NAALADL2: variants seen among roughly 807,000 people sequenced by gnomAD.
The protein encoded by NAALADL2 is inactive N-acetylated-alpha-linked acidic dipeptidase-like protein 2.
A neutral mutation model predicts 87.2 loss-of-function variants in NAALADL2; 76 were observed. The ratio of observed to expected loss-of-function variants is 0.87; its 90% CI spans 0.72 to 1.05. NAALADL2 has a LOEUF of 1.05. NAALADL2 is among the 50% of genes least tolerant of loss of function. NAALADL2 has a pLI of 0.00. For missense variants in NAALADL2, 1,089 were observed against 945.8 expected (o/e 1.15, Z -1.99); for synonymous variants, 354 against 331.0 (o/e 1.07, Z -0.75).
At chr3:174,641,221 C>T (rs969181552) in intron 2 of NAALADL2, among the ~76,000 whole-genome samples, 4 of 152,140 alleles carry the variant, frequency 2.6e-5, no homozygotes, top group Non-Finnish European at 5.9e-5. Flanking sequence ...CCCACAACCA[C>T]GTGCGCTCGG....
chr3:174,977,119 A>C, intron 1 of NAALADL2, among the ~76,000 whole-genome samples: 1 of 152,210 alleles, frequency 6.6e-6, no homozygotes, highest in East Asian at 1.9e-4. Flanking sequence ...CACTGTGCTA[A>C]ATGAAATAAG....
chr3:175,090,316 T>C (rs988979239), intron 1 of NAALADL2, among the ~76,000 whole-genome samples: 16 of 152,120 alleles, frequency 1.1e-4, no homozygotes, highest in African/African-American at 3.9e-4. Context: ...TTTATTGCTT[T>C]GGTTCATACT....
chr3:175,090,671 A>T (rs1031696135), intron 1 of NAALADL2, among the ~76,000 whole-genome samples: 1 of 152,088 alleles, frequency 6.6e-6, no homozygotes, highest in East Asian at 1.9e-4. Flanking sequence ...TGATCAACAT[A>T]ACTCAGGCTT....
chr3:175,777,929 CTGA>C (rs576864541), intron 13 of NAALADL2, among the ~76,000 whole-genome samples: 16 of 152,172 alleles, frequency 1.1e-4, no homozygotes, highest in African/African-American at 2.9e-4. Flanking sequence ...TCTCAACCTA[CTGA>C]TGAACTTCAA....
At chr3:174,692,792 G>A (rs937555365) in intron 2 of NAALADL2, among the ~76,000 whole-genome samples, 1 of 151,794 alleles carries the variant, frequency 6.6e-6, no homozygotes, top group Non-Finnish European at 1.5e-5. Flanking sequence ...ATGCTTGTTA[G>A]GAGGAAGTAT....
intron 1 of NAALADL2, among the ~76,000 whole-genome samples, chr3:174,937,633 C>G (rs1737893684): frequency 6.6e-6 from 1 of 152,016 alleles, no homozygotes. Flanking sequence ...AATTGCATTT[C>G]CAGGGTTGCT....
chr3:175,690,269 A>G (rs930939224), intron 11 of NAALADL2, among the ~76,000 whole-genome samples: 9 of 152,076 alleles, frequency 5.9e-5, no homozygotes, highest in African/African-American at 2.2e-4. Context: ...TTAGAGAGAT[A>G]AAAAGGCACT....
At chr3:175,478,174 T>G (rs1331078097) in intron 9 of NAALADL2, among the ~76,000 whole-genome samples, 2 of 151,986 alleles carry the variant, frequency 1.3e-5, no homozygotes, top group Non-Finnish European at 2.9e-5. Context: ...GTTTTCTTAT[T>G]TACCATGAAT....
chr3:175,547,393 T>A (rs963842930), intron 9 of NAALADL2, among the ~76,000 whole-genome samples: 1 of 152,012 alleles, frequency 6.6e-6, no homozygotes, highest in Non-Finnish European at 1.5e-5. Context: ...GCCATTACCA[T>A]ATACAAAAAT....
At chr3:175,542,861 C>T (rs185046182) in intron 9 of NAALADL2, among the ~76,000 whole-genome samples, 8 of 152,278 alleles carry the variant, frequency 5.3e-5, no homozygotes, top group Admixed American at 4.6e-4. Flanking sequence ...CTTCAAATGC[C>T]TTATTCTTTA....
At chr3:174,877,209 A>G (rs551333942) in intron 1 of NAALADL2, among the ~76,000 whole-genome samples, 5 of 152,136 alleles carry the variant, frequency 3.3e-5, no homozygotes, top group Non-Finnish European at 7.4e-5. Flanking sequence ...CAAAGAAGCT[A>G]CTTAGACGCT....
chr3:174,619,443 T>C (rs1305642244), intron 2 of NAALADL2, among the ~76,000 whole-genome samples: 6 of 151,928 alleles, frequency 3.9e-5, no homozygotes, highest in Admixed American at 3.9e-4. Flanking sequence ...GAGTGTGTGC[T>C]TTAGTAATAA....
intron 2 of NAALADL2, among the ~76,000 whole-genome samples, chr3:174,652,545 C>G (rs1724474314): frequency 6.6e-6 from 1 of 151,936 alleles, no homozygotes. Context: ...GGGGAACTGC[C>G]CTTTATAAAG....
chr3:174,773,075 G>A (rs1327104592), intron 3 of NAALADL2, among the ~76,000 whole-genome samples: 1 of 152,146 alleles, frequency 6.6e-6, no homozygotes, highest in Non-Finnish European at 1.5e-5. Flanking sequence ...AGCTGTGTGT[G>A]CTGACCTAAA....
At chr3:174,934,003 T>C (rs1023117013) in intron 1 of NAALADL2, among the ~76,000 whole-genome samples, 7 of 152,184 alleles carry the variant, frequency 4.6e-5, no homozygotes, top group Non-Finnish European at 1.0e-4. Flanking sequence ...AAAATTATGA[T>C]AAATATACAT....
intron 9 of NAALADL2, among the ~76,000 whole-genome samples, chr3:175,544,893 T>C (rs955038222): frequency 6.6e-6 from 1 of 152,174 alleles, no homozygotes; most frequent in East Asian, 1.9e-4. Context: ...TTCCATGATT[T>C]AGCATTCAGC....
At chr3:174,622,317 C>T (rs1445620121) in intron 2 of NAALADL2, among the ~76,000 whole-genome samples, 1 of 152,128 alleles carries the variant, frequency 6.6e-6, no homozygotes, top group Non-Finnish European at 1.5e-5. Context: ...ATTTCTTCAC[C>T]TCTAAACTAA....
chr3:175,720,852 A>G (rs962061705), intron 11 of NAALADL2, among the ~76,000 whole-genome samples: 1 of 152,154 alleles, frequency 6.6e-6, no homozygotes, highest in Non-Finnish European at 1.5e-5. Context: ...AGAAATAAAG[A>G]TATTTTAGAA....
chr3:175,090,855 A>T (rs1186843811), intron 1 of NAALADL2, among the ~76,000 whole-genome samples: 4 of 89,462 alleles, frequency 4.5e-5, no homozygotes, highest in Non-Finnish European at 8.6e-5. Flanking sequence ...AGCATGAGCA[A>T]CAAATAATTA....
Sources: gnomAD v4.1 joint callset for allele counts (sites outside exome capture counted in the v4.1 genomes callset) on GRCh38, gnomAD v4.1.1 for gene constraint, MANE v1.5 for transcripts, NCBI Gene and HGNC (gene_info 2026-07-23, HGNC 2026-07-21) for gene names.